Variants in MIB1 observed in about 807,000 individuals in gnomAD.
MIB1 encodes the protein E3 ubiquitin-protein ligase MIB1.
In MIB1, 278 loss-of-function variants were observed where a neutral mutation model predicts 124.5. The observed-to-expected ratio is 2.23, with a 90% confidence interval of 2.02 to 2.47. The LOEUF is 2.47. Ranked by LOEUF, MIB1 falls within the 30% of genes most tolerant of loss-of-function variation. The probability of loss-of-function intolerance (pLI) is 0.00; values close to 1 mark genes in which losing one functional copy is unlikely to be tolerated. For missense variants in MIB1, 957 were observed against 1,254.4 expected, an observed-to-expected ratio of 0.76 and a Z score of 3.58; for synonymous variants, 446 against 429.4, an observed-to-expected ratio of 1.04 and a Z score of -0.48.
intron 17 of MIB1, among the ~76,000 whole-genome samples, chr18:21,852,596 A>G (rs1413358566): frequency 6.6e-6 from 1 of 152,220 alleles, no homozygotes; most frequent in Non-Finnish European, 1.5e-5. Flanking sequence ...TCAGGGAAAA[A>G]GAATAGCCCA....
At chr18:21,848,538 C>T (rs1006942344) in intron 16 of MIB1, among the ~76,000 whole-genome samples, 19 of 152,100 alleles carry the variant, frequency 1.2e-4, no homozygotes, top group African/African-American at 4.6e-4. Context: ...AAGGTGGACC[C>T]TCTGTGTACG....
chr18:21,741,857 G>T lies in MIB1; in HGVS notation c.229+45G>T, dbSNP rs1434452820. On this transcript the variant is annotated intron_variant, in intron 1 of 20. Transcript: ENST00000261537. The surrounding 1 kb of genome is among the most constrained non-coding windows in gnomAD (Gnocchi z 5.4). ...CCAGGGCTTGCGCGCGCGGGGGGAA[G>T]GGGCGAGCTGCGGTGGGCGTCGGTG... The T allele has an allele frequency of 1.3e-6, 2 of 1,488,226 alleles. No individual in the cohort carries two copies. Among genetic ancestry groups the T allele is most frequent in the Non-Finnish European group, 1.8e-6 (2 of 1,108,074 alleles). 92.2% of individuals were successfully genotyped at this position (1,488,226 alleles called of 1,614,324 possible).
intron 1 of MIB1, chr18:21,724,343 TGCCAAA>T (rs2040728010): frequency 6.6e-6 from 1 of 152,082 alleles, no homozygotes; most frequent in African/African-American, 2.4e-5. Context: ...TTGAAGAGAA[TGCCAAA>T]ACTGAAAATC....
chr18:21,814,367 G>A (rs1389708309), intron 10 of MIB1, among the ~76,000 whole-genome samples: 3 of 146,648 alleles, frequency 2.0e-5, no homozygotes, highest in African/African-American at 7.5e-5. Flanking sequence ...AGATCACATT[G>A]TTTGGCATTC....
At chr18:21,735,563 G>C (rs1362331602) in intron 1 of MIB1, among the ~76,000 whole-genome samples, 2 of 152,044 alleles carry the variant, frequency 1.3e-5, no homozygotes, top group African/African-American at 4.8e-5. Context: ...AAGCCAGTGA[G>C]CCAAGTGGTC....
chr18:21,800,311 A>T (rs546703363), intron 9 of MIB1, among the ~76,000 whole-genome samples: 3 of 151,854 alleles, frequency 2.0e-5, no homozygotes, highest in Non-Finnish European at 4.4e-5. Flanking sequence ...AGTGAATTTT[A>T]TAAGCAATTT....
intron 1 of MIB1, among the ~76,000 whole-genome samples, chr18:21,734,720 G>C (rs1849333847): frequency 6.6e-6 from 1 of 151,950 alleles, no homozygotes; most frequent in Non-Finnish European, 1.5e-5. Flanking sequence ...GTAGAGACAG[G>C]GTTTCACCAT....
rs573250806 is a variant in MIB1 at position 21,758,371 on chromosome 18, G to A, written c.230-7401G>A. Among the ~76,000 whole-genome samples, 4 of 152,218 alleles carry A rather than the reference G, an allele frequency of 2.6e-5. No individual in the cohort carries two copies. In the South Asian group the frequency reaches 8.3e-4, roughly 32 times the overall value. The stretch of plus-strand genomic sequence containing the variant: ...TTTGATGGTTCAGGGAAAATAAGAT[G>A]GATATTCTTGTTGGTTAACCCTCCT... On this transcript the variant is annotated intron_variant, in intron 1 of 20. Coordinates refer to ENST00000261537, the MANE Select transcript of MIB1 (RefSeq NM_020774.4).
At chr18:21,827,648 A>G (rs2041938153) in intron 12 of MIB1, 2 of 152,068 alleles carry the variant, frequency 1.3e-5, no homozygotes, top group Admixed American at 1.3e-4. Context: ...TGCTTATGTG[A>G]GTTAAGCTTT....
chr18:21,790,856 T>C (rs1432084214), intron 6 of MIB1, among the ~76,000 whole-genome samples: 1 of 152,166 alleles, frequency 6.6e-6, no homozygotes, highest in Non-Finnish European at 1.5e-5. Context: ...TTTACACTTG[T>C]ATTAAGGTGG....
At position 21,779,192 on chromosome 18, in the gene MIB1, T is replaced by G. The variant is rs576034595; in HGVS notation, c.704-289T>G. On this transcript the variant is annotated intron_variant, in intron 5 of 20. Transcript: ENST00000261537. ...CATAAAAGTGAGTATTTTCAACACC[T>G]GGAACTTTGTGTTCTGATACAAGGT... is the stretch of plus-strand genomic sequence containing the variant. 7.2e-5 allele frequency among the ~76,000 whole-genome samples: 11 copies of G among 152,320 alleles called. No individual in the cohort carries two copies. The South Asian group carries it at 1.2e-3, about 17-fold the overall frequency.
chr18:21,819,118 G>A (rs973749338), intron 11 of MIB1, among the ~76,000 whole-genome samples: 2 of 152,134 alleles, frequency 1.3e-5, no homozygotes, highest in Admixed American at 6.5e-5. Context: ...GCTCACTGGA[G>A]CCTTGAACTC....
chr18:21,764,832 C>T (rs539584452), intron 1 of MIB1, among the ~76,000 whole-genome samples: 32 of 152,022 alleles, frequency 2.1e-4, no homozygotes, highest in Admixed American at 5.9e-4. Context: ...TAAATACAGA[C>T]GGAGTCAGAA....
intron 18 of MIB1, chr18:21,854,572 G>A (rs1363085094): frequency 1.3e-5 from 2 of 149,198 alleles, no homozygotes; most frequent in East Asian, 3.9e-4. Flanking sequence ...GGAGCTTCCA[G>A]AATTTTTTAC....
chr18:21,726,110 G>C (rs753723993), intron 1 of MIB1, among the ~76,000 whole-genome samples: 22 of 152,112 alleles, frequency 1.4e-4, no homozygotes, highest in Admixed American at 2.6e-4. Flanking sequence ...CTGGGAATGG[G>C]GGCTCACAGC....
intron 2 of MIB1, among the ~76,000 whole-genome samples, chr18:21,768,293 C>T (rs557794394): frequency 8.3e-4 from 127 of 152,296 alleles, no homozygotes; most frequent in Non-Finnish European, 5.7e-4. Flanking sequence ...TTCTTTGAGA[C>T]TCAGTTTCCT....
chr18:21,830,853 C>G (rs568160169), intron 12 of MIB1: 1 of 152,066 alleles, frequency 6.6e-6, no homozygotes, highest in Non-Finnish European at 1.5e-5. Context: ...ACTTTTCCCT[C>G]TCCTCCCCTC....
chr18:21,835,655 C>T (rs991317047), intron 12 of MIB1, among the ~76,000 whole-genome samples: 7 of 151,606 alleles, frequency 4.6e-5, no homozygotes, highest in Non-Finnish European at 8.8e-5. Flanking sequence ...CCTGTAATCC[C>T]AGCTACTCGG....
At chr18:21,815,882 T>G in intron 11 of MIB1, 69 bp downstream of exon 11, 2 of 1,358,012 alleles carry the variant, frequency 1.5e-6, no homozygotes, top group Non-Finnish European at 2.1e-6. Flanking sequence ...CATTAAGTTC[T>G]ATGGTAAGCA....
Sources: gnomAD v4.1 joint callset for allele counts (sites outside exome capture counted in the v4.1 genomes callset) on GRCh38, gnomAD v4.1.1 for gene constraint, Gnocchi (gnomAD v3.1) non-coding constraint, MANE v1.5 for transcripts, NCBI Gene and HGNC (gene_info 2026-07-23, HGNC 2026-07-21) for gene names.